CLSTN2: variants seen among roughly 807,000 people sequenced by gnomAD.
CLSTN2 encodes the protein calsyntenin-2.
Under a neutral mutation model 101.2 loss-of-function variants are expected in CLSTN2, and 48 were observed. The ratio of observed to expected loss-of-function variants is 0.47; its 90% confidence interval spans 0.38 to 0.60. The LOEUF (loss-of-function observed/expected upper bound fraction) is 0.60. Ranked by LOEUF, CLSTN2 falls within the 20% of genes least tolerant of loss-of-function variation. CLSTN2 has a pLI of 0.00. For synonymous variants in CLSTN2, 481 were observed against 463.6 expected, an observed-to-expected ratio of 1.04 and a Z score of -0.48; for missense variants, 1,160 against 1,238.2, an observed-to-expected ratio of 0.94 and a Z score of 0.95.
chr3:140,299,830 A>T (rs1049782779), intron 2 of CLSTN2, among the ~76,000 whole-genome samples: 4 of 152,340 alleles, frequency 2.6e-5, no homozygotes, highest in Non-Finnish European at 2.9e-5. Context: ...TTGCATGGAC[A>T]TGTACACTTC....
intron 2 of CLSTN2, among the ~76,000 whole-genome samples, chr3:140,193,261 GTTTTT>G (rs367933711): frequency 2.3e-5 from 2 of 87,444 alleles, no homozygotes; most frequent in Admixed American, 1.2e-4. Context: ...CTTTTTTATA[GTTTTT>G]TTTTTTTTTT....
chr3:140,246,982 C>T (rs527738678), intron 2 of CLSTN2, among the ~76,000 whole-genome samples: 14 of 152,086 alleles, frequency 9.2e-5, no homozygotes, highest in Non-Finnish European at 1.6e-4. Flanking sequence ...TCCTGGTGCT[C>T]AATACCTGGG....
chr3:140,399,136 C>T (rs936254141), intron 2 of CLSTN2, among the ~76,000 whole-genome samples: 1 of 152,224 alleles, frequency 6.6e-6, no homozygotes, highest in Non-Finnish European at 1.5e-5. Context: ...TGTCCACACA[C>T]AATTCCTGGC....
intron 8 of CLSTN2, among the ~76,000 whole-genome samples, chr3:140,513,569 C>CTTTT (rs903301305): frequency 1.9e-5 from 2 of 104,700 alleles, no homozygotes; most frequent in African/African-American, 7.2e-5. Context: ...CTGAAGCTTT[C>CTTTT]TTTTTTTTTC....
chr3:140,184,247 G>A (rs913666571), intron 2 of CLSTN2, among the ~76,000 whole-genome samples: 1 of 152,176 alleles, frequency 6.6e-6, no homozygotes, highest in African/African-American at 2.4e-5. Flanking sequence ...GTTTGTTACT[G>A]TCTGTATTAG....
chr3:140,338,990 C>T (rs1247892341), intron 2 of CLSTN2, among the ~76,000 whole-genome samples: 2 of 152,230 alleles, frequency 1.3e-5, no homozygotes, highest in East Asian at 3.9e-4. Context: ...ACATAGGCTG[C>T]TCCACTAGGA....
At position 140,128,806 on chromosome 3, in the gene CLSTN2, G is replaced by T. The variant is rs1397047891; in HGVS notation, c.110-47145G>T. On this transcript the variant is annotated intron_variant, in intron 1 of 16. Transcript: ENST00000458420. The stretch of plus-strand genomic sequence containing the variant: ...ATTGATGGGGTCCATGTGGCCTCCA[G>T]GGCACAGAACTGGATGAAGAAGGGA... 2.0e-5 allele frequency among the ~76,000 whole-genome samples: 3 copies of T among 152,124 alleles called. No homozygotes were observed. In the South Asian group the frequency reaches 6.2e-4, roughly 32 times the overall value.
Position 140,562,151 on chromosome 3 carries a change from A to C in CLSTN2, c.2055A>C (p.Glu685Asp). ...GTCTTCCTACAGACCCCAAATCAGAAGTCTTAGAGGAAATGCTTCATAACT... is the reference window on the plus strand; with the variant it reads ...GTCTTCCTACAGACCCCAAATCAGACGTCTTAGAGGAAATGCTTCATAACT... The part of the protein sequence containing the change: ...GDVKTTDPKS[E>D]VLEEMLHNLD... Residue 685 changes from glutamate to aspartate, a missense_variant, in exon 13 of 17, where the codon GAA becomes GAC. Physicochemically the swap from Glu to Asp is conservative, Grantham distance 45 (BLOSUM62 2). Coordinates refer to ENST00000458420, the MANE Select transcript of CLSTN2 (RefSeq NM_022131.3). 6.2e-7 allele frequency: 1 copy of C among 1,613,944 alleles called. No individual in the cohort carries two copies. Among genetic ancestry groups the C allele is most frequent in the Non-Finnish European group, 8.5e-7 (1 of 1,179,916 alleles).
At chr3:140,212,882 C>A (rs1406199216) in intron 2 of CLSTN2, among the ~76,000 whole-genome samples, 1 of 152,216 alleles carries the variant, frequency 6.6e-6, no homozygotes, top group East Asian at 1.9e-4. Flanking sequence ...CCTCACAGTG[C>A]CCTTCATTCC....
In CLSTN2 at chr3:140,186,170, G is replaced by C. The variant is rs528181941; in HGVS notation, c.232+10097G>C. 1.2e-4 allele frequency among the ~76,000 whole-genome samples: 18 copies of C among 152,246 alleles called. 1 individual carries two copies. The South Asian group carries it at 3.7e-3, about 32-fold the overall frequency. On this transcript the variant is annotated intron_variant, in intron 2 of 16. Coordinates refer to ENST00000458420, the MANE Select transcript of CLSTN2 (RefSeq NM_022131.3). ...AATCGTCTTTTAAAAAGACATAACT[G>C]GCAATCATCATAGCAAAATCAATGA...
At position 140,563,112 on chromosome 3, in the gene CLSTN2, T is replaced by C. The variant is rs890270213; in HGVS notation, c.2391T>C (p.Asp797=). 6.2e-7 allele frequency: 1 copy of C among 1,614,086 alleles called. No homozygotes were observed. Among genetic ancestry groups the C allele is most frequent in the Non-Finnish European group, 8.5e-7 (1 of 1,179,978 alleles). ...VSILHEDQVS[D]KEHVNHLIVQ... ...TCCTTCATGAAGACCAAGTCTCAGATAAGGAGCATGTCAATCATCTGATTG... is the reference window on the plus strand; with the variant it reads ...TCCTTCATGAAGACCAAGTCTCAGACAAGGAGCATGTCAATCATCTGATTG... The change falls in exon 15 of 17, where the codon GAT becomes GAC. Residue 797 remains aspartate, a synonymous_variant. Transcript: ENST00000458420.
intron 12 of CLSTN2, 45 bp downstream of exon 12, chr3:140,558,902 T>C: frequency 6.7e-7 from 1 of 1,499,538 alleles, no homozygotes; most frequent in Non-Finnish European, 9.2e-7. Flanking sequence ...CCTTAATTTT[T>C]TACAGCCATG....
At chr3:140,435,563 CT>C (rs759066429) in intron 5 of CLSTN2, among the ~76,000 whole-genome samples, 5 of 152,176 alleles carry the variant, frequency 3.3e-5, no homozygotes, top group Non-Finnish European at 5.9e-5. Flanking sequence ...CACTTGATTT[CT>C]TTTCTTTGGG....
At chr3:140,045,510 T>C (rs2007858493) in intron 1 of CLSTN2, among the ~76,000 whole-genome samples, 1 of 152,206 alleles carries the variant, frequency 6.6e-6, no homozygotes, top group African/African-American at 2.4e-5. Flanking sequence ...AAGGGTTTTT[T>C]GTGTCTCTAT....
chr3:139,990,804 T>C (rs1936101372), intron 1 of CLSTN2, among the ~76,000 whole-genome samples: 1 of 152,200 alleles, frequency 6.6e-6, no homozygotes, highest in Non-Finnish European at 1.5e-5. Context: ...AATGGTTTAA[T>C]TCACTTGTTT....
intron 2 of CLSTN2, among the ~76,000 whole-genome samples, chr3:140,398,053 G>A (rs1384584530): frequency 6.8e-6 from 1 of 147,500 alleles, no homozygotes; most frequent in Admixed American, 6.8e-5. Context: ...CTTTTTCTTG[G>A]TGGGACAGGC....
At chr3:140,167,971 A>G (rs2010159657) in intron 1 of CLSTN2, among the ~76,000 whole-genome samples, 1 of 152,196 alleles carries the variant, frequency 6.6e-6, no homozygotes, top group South Asian at 2.1e-4. Context: ...CGGCCATTTT[A>G]GTTACCAGTT....
intron 1 of CLSTN2, among the ~76,000 whole-genome samples, chr3:140,173,995 T>G (rs755094012): frequency 6.6e-6 from 1 of 152,264 alleles, no homozygotes; most frequent in Admixed American, 6.5e-5. Flanking sequence ...TCGTTACTTA[T>G]GAAAATTTCT....
At chr3:140,086,032 A>T (rs1314306110) in intron 1 of CLSTN2, among the ~76,000 whole-genome samples, 3 of 152,110 alleles carry the variant, frequency 2.0e-5, no homozygotes, top group African/African-American at 7.2e-5. Context: ...GCCAACTATA[A>T]ATCTCTCATG....
Sources: allele counts gnomAD v4.1 joint callset (sites outside exome capture counted in the v4.1 genomes callset), GRCh38; gene constraint gnomAD v4.1.1; transcripts MANE v1.5; gene names NCBI Gene and HGNC (gene_info 2026-07-23, HGNC 2026-07-21).